The following TFCP2L1 variants were observed in gnomAD, a reference collection of about 807,000 sequenced individuals.
TFCP2L1 encodes the protein transcription factor CP2-like protein 1.
A neutral mutation model predicts 72.2 loss-of-function variants in TFCP2L1; 12 were observed. That is an observed-to-expected ratio of 0.17 (90% CI 0.11 to 0.27). The LOEUF (loss-of-function observed/expected upper bound fraction) is 0.27. TFCP2L1 is among the 10% of genes least tolerant of loss of function. The pLI is 1.00. For missense variants in TFCP2L1, 488 were observed against 624.6 expected (o/e 0.78, Z 2.33); for synonymous variants, 260 against 251.0 (o/e 1.04, Z -0.34).
intron 2 of TFCP2L1, among the ~76,000 whole-genome samples, chr2:121,277,322 C>T (rs1055137532): frequency 2.0e-5 from 3 of 152,112 alleles, no homozygotes; most frequent in Non-Finnish European, 4.4e-5. Flanking sequence ...CAACCCAAGC[C>T]AGACCCCAGC....
At chr2:121,254,111 C>T (rs938132837) in intron 2 of TFCP2L1, among the ~76,000 whole-genome samples, 6 of 152,186 alleles carry the variant, frequency 3.9e-5, no homozygotes, top group South Asian at 2.1e-4. Context: ...TATGAGAAGG[C>T]GCGGGTCGTG....
chr2:121,240,416 C>A, intron 7 of TFCP2L1: 1 of 985,328 alleles, frequency 1.0e-6, no homozygotes, highest in Non-Finnish European at 1.2e-6. Context: ...CAGAGAGGGC[C>A]AATTTGAAGC....
chr2:121,257,331 G>C (rs1047255757), intron 2 of TFCP2L1, among the ~76,000 whole-genome samples: 1 of 151,830 alleles, frequency 6.6e-6, no homozygotes, highest in Non-Finnish European at 1.5e-5. Context: ...TCCCGGGGGA[G>C]GGGTGGGGCT....
chr2:121,228,050 G>A (rs1264902077), intron 13 of TFCP2L1, among the ~76,000 whole-genome samples: 2 of 152,342 alleles, frequency 1.3e-5, no homozygotes, highest in Middle Eastern at 3.4e-3. Context: ...CCGGCTCCGC[G>A]GCTGGCCAGG....
chr2:121,226,344 G>A (rs1381035982), intron 13 of TFCP2L1, among the ~76,000 whole-genome samples: 2 of 151,204 alleles, frequency 1.3e-5, no homozygotes, highest in African/African-American at 2.4e-5. Flanking sequence ...GCCCAAACGG[G>A]AATCAAGATG....
rs1173801791 is a variant in TFCP2L1 at position 121,281,190 on chromosome 2, T to C, written c.144A>G (p.Gln48=). The change falls in exon 2 of 15, where the codon CAA becomes CAG. Residue 48 remains glutamine, a synonymous_variant. Transcript: ENST00000263707. ...PENEARLPPL[Q]YVLCAATSPA... is the part of the protein sequence containing the mutation. ...GGGACGTGGCAGCACACAACACATA[T>C]TGCAGGGGTGGCAGGCGGGCCTCGT... is the stretch of plus-strand genomic sequence containing the variant. 3.7e-6 allele frequency: 6 copies of C among 1,612,738 alleles called. No individual in the cohort carries two copies. In the African/African-American group the frequency reaches 5.4e-5, roughly 14 times the overall value.
chr2:121,282,430 C>T (rs1687283415), intron 1 of TFCP2L1, among the ~76,000 whole-genome samples: 1 of 149,962 alleles, frequency 6.7e-6, no homozygotes, highest in Non-Finnish European at 1.5e-5. Context: ...CCTGAAATCC[C>T]AGTACTTTGG....
intron 2 of TFCP2L1, among the ~76,000 whole-genome samples, chr2:121,253,477 A>G (rs1686651882): frequency 1.3e-5 from 2 of 152,098 alleles, no homozygotes; most frequent in African/African-American, 4.8e-5. Context: ...ACACACCCTA[A>G]CTGGTTTTTC....
chr2:121,228,514 C>A (rs138954892), intron 13 of TFCP2L1, among the ~76,000 whole-genome samples: 2,866 of 151,480 alleles, frequency 0.019, 111 homozygotes, highest in African/African-American at 0.065. Context: ...AATCCCAGCA[C>A]CTTGAGAGGC....
chr2:121,276,646 A>G (rs1022132947), intron 2 of TFCP2L1, among the ~76,000 whole-genome samples: 6 of 152,032 alleles, frequency 3.9e-5, no homozygotes, highest in African/African-American at 1.4e-4. Flanking sequence ...AAAAAAAAAA[A>G]AAAGAAAGCC....
chr2:121,247,509 C>T (rs1157987385), intron 5 of TFCP2L1, among the ~76,000 whole-genome samples: 1 of 147,620 alleles, frequency 6.8e-6, no homozygotes, highest in African/African-American at 2.5e-5. Flanking sequence ...GTAATAATAA[C>T]AATGTAATAA....
chr2:121,231,933 A>G lies in TFCP2L1; in HGVS notation c.1234T>C (p.Leu412=), dbSNP rs772428307. Residue 412 remains leucine (L), a synonymous_variant, in exon 13 of 15, where the codon TTG becomes CTG. Transcript: ENST00000263707. Reference sequence around the variant, plus strand: ...TTGGCGATCTTCTCAATCAGCTCCAAGGTGGTCAGCTCTTCCAGGAAGATG... The same window carrying G: ...TTGGCGATCTTCTCAATCAGCTCCAGGGTGGTCAGCTCTTCCAGGAAGATG... ...HAIFLEELTT[L]ELIEKIANLY... is the part of the protein sequence containing the mutation. 1.1e-5 allele frequency: 17 copies of G among 1,611,202 alleles called. No individual in the cohort carries two copies. In the East Asian group the frequency reaches 3.8e-4, roughly 36 times the overall value.
rs765754699 is a variant in TFCP2L1, at chr2:121,224,362, G to A, written c.1419C>T (p.Ile473=). 1.2e-6 allele frequency: 2 copies of A among 1,614,040 alleles called. No individual in the cohort carries two copies. Among genetic ancestry groups the A allele is most frequent in the South Asian group, 1.1e-5 (1 of 91,018 alleles). The change falls in exon 15 of 15, where the codon ATC becomes ATT. Residue 473 remains isoleucine (I), a synonymous_variant. Coordinates refer to ENST00000263707, the MANE Select transcript of TFCP2L1 (RefSeq NM_014553.3). The part of the protein sequence containing the change: ...IKAESNDGYH[I]ILKCGL ...CTGCTCAGAGTCCACATTTCAGGATGATGTGGTAGCCATCATTGCTCTCAG... is the reference window on the plus strand; with the variant it reads ...CTGCTCAGAGTCCACATTTCAGGATAATGTGGTAGCCATCATTGCTCTCAG...
chr2:121,280,577 G>A (rs1054687204), intron 2 of TFCP2L1, among the ~76,000 whole-genome samples: 2 of 151,860 alleles, frequency 1.3e-5, no homozygotes, highest in Non-Finnish European at 2.9e-5. Context: ...GGGCAACATA[G>A]TGAGACCCCC....
chr2:121,239,559 C>G lies in TFCP2L1; in HGVS notation c.859G>C (p.Gly287Arg). The stretch of plus-strand genomic sequence containing the variant: ...CGAAGAAAGAGAGGTGGGACGTACC[C>G]TTCGCCGAGGCCAAAGCTGTTTGGA... Reference protein sequence around the residue: ...GSPNSFGLGEGNASPTHPVEA... With the variant: ...GSPNSFGLGERNASPTHPVEA... The change falls in exon 8 of 15, where the codon GGC (glycine) becomes CGC (arginine). Residue 287 changes from glycine (G) to arginine (R), a missense_variant and splice_region_variant. Physicochemically the swap from Gly to Arg is moderately radical, Grantham distance 125. Coordinates refer to ENST00000263707, the MANE Select transcript of TFCP2L1 (RefSeq NM_014553.3). 6.2e-7 allele frequency: 1 copy of G among 1,613,870 alleles called. No homozygotes were observed. Among genetic ancestry groups the G allele is most frequent in the Non-Finnish European group, 8.5e-7 (1 of 1,180,008 alleles).
chr2:121,261,575 T>G (rs1299785747), intron 2 of TFCP2L1, among the ~76,000 whole-genome samples: 2 of 152,164 alleles, frequency 1.3e-5, no homozygotes, highest in East Asian at 3.8e-4. Context: ...AGTAAGTGAA[T>G]AAATAAGTTA....
intron 2 of TFCP2L1, among the ~76,000 whole-genome samples, chr2:121,276,732 TAAAC>T (rs1687155652): frequency 6.6e-6 from 1 of 150,948 alleles, no homozygotes; most frequent in Admixed American, 6.6e-5. Flanking sequence ...AACTAGAAAA[TAAAC>T]AAACTCAGAT....
chr2:121,240,591 T>C, intron 7 of TFCP2L1: 2 of 985,404 alleles, frequency 2.0e-6, no homozygotes, highest in Non-Finnish European at 2.4e-6. Context: ...GGCTTTCAAC[T>C]ACGCTGCACT....
intron 2 of TFCP2L1, among the ~76,000 whole-genome samples, chr2:121,257,526 G>A (rs1686752078): frequency 6.6e-6 from 1 of 152,208 alleles, no homozygotes; most frequent in Non-Finnish European, 1.5e-5. Flanking sequence ...GCAGGGGGCA[G>A]GGGGGAGGCC....
Sources: allele counts gnomAD v4.1 joint callset (sites outside exome capture counted in the v4.1 genomes callset), GRCh38; gene constraint gnomAD v4.1.1; transcripts MANE v1.5; gene names NCBI Gene and HGNC (gene_info 2026-07-23, HGNC 2026-07-21).